RUFY1: variants seen among roughly 807,000 people sequenced by gnomAD.
RUFY1 encodes the protein RUN and FYVE domain-containing protein 1.
Under a neutral mutation model 94.6 loss-of-function variants are expected in RUFY1, and 54 were observed. That is an observed-to-expected ratio of 0.57 (90% CI 0.46 to 0.72). RUFY1 has a LOEUF of 0.72. Ranked by LOEUF, RUFY1 falls within the 30% of genes least tolerant of loss-of-function variation. The pLI is 0.00. For synonymous variants in RUFY1, 396 were observed against 347.3 expected (o/e 1.14, Z -1.56); for missense variants, 883 against 883.9 (o/e 1.00, Z 0.01).
chr5:179,584,581 A>C (rs900786403), intron 7 of RUFY1, among the ~76,000 whole-genome samples: 2 of 151,964 alleles, frequency 1.3e-5, no homozygotes, highest in Non-Finnish European at 2.9e-5. Context: ...CAGGAGTTCA[A>C]GATCAGTCTG....
chr5:179,596,540 C>G, intron 12 of RUFY1, 22 bp from the exon 13 acceptor site: 2 of 1,613,740 alleles, frequency 1.2e-6, no homozygotes. Flanking sequence ...TTCATTTGCA[C>G]TCTTGCTGGT....
intron 9 of RUFY1, among the ~76,000 whole-genome samples, chr5:179,591,388 G>T (rs532590979): frequency 7.3e-4 from 110 of 151,116 alleles, no homozygotes; most frequent in Non-Finnish European, 1.2e-3. Flanking sequence ...GTTTCACCAT[G>T]TTAGCCAGGA....
At chr5:179,580,241 G>GTGTGTGTGTGTATATATATATA (rs149099074) in intron 6 of RUFY1, among the ~76,000 whole-genome samples, 20 of 93,884 alleles carry the variant, frequency 2.1e-4, no homozygotes, top group East Asian at 1.1e-3. Flanking sequence ...GTGTGTGTGT[G>GTGTGTGTGTGTATATATATATA]TATATTTTTT....
At chr5:179,580,241 G>GTA (rs1554118908) in intron 6 of RUFY1, among the ~76,000 whole-genome samples, 7 of 93,850 alleles carry the variant, frequency 7.5e-5, no homozygotes, top group African/African-American at 7.0e-5. Flanking sequence ...GTGTGTGTGT[G>GTA]TATATTTTTT....
rs764464754 is a variant in RUFY1 at position 179,555,688 on chromosome 5, C to T, written c.311-4337C>T. The T allele has an allele frequency of 1.8e-5, 7 of 388,586 alleles. No homozygotes were observed. The East Asian group carries it at 2.8e-4, about 15-fold the overall frequency. 24.1% of individuals were successfully genotyped at this position (388,586 alleles called of 1,614,324 possible). A position where few individuals can be genotyped will look rare whatever the true frequency, so the allele number is the denominator to read the frequency against. On this transcript the variant is annotated intron_variant, in intron 1 of 17. Transcript: ENST00000319449. ...CGTCACCCAGGCTGGAGTGCAATGG[C>T]GTGATCTCGGGTCACGGCAACCTCC... is the stretch of plus-strand genomic sequence containing the variant.
chr5:179,590,105 G>A (rs1392924808), intron 9 of RUFY1, among the ~76,000 whole-genome samples: 1 of 152,134 alleles, frequency 6.6e-6, no homozygotes, highest in African/African-American at 2.4e-5. Context: ...TGTAATCCCA[G>A]CACTTTGGGA....
intron 7 of RUFY1, among the ~76,000 whole-genome samples, chr5:179,584,116 A>G (rs1472553614): frequency 6.6e-6 from 1 of 152,202 alleles, no homozygotes; most frequent in African/African-American, 2.4e-5. Context: ...AGAATTGACA[A>G]TTGTATACTC....
intron 7 of RUFY1, among the ~76,000 whole-genome samples, chr5:179,583,830 A>G (rs1300139223): frequency 6.6e-6 from 1 of 151,510 alleles, no homozygotes; most frequent in Admixed American, 6.6e-5. Flanking sequence ...GCTCACTGCA[A>G]GCTTCGCCTC....
chr5:179,556,345 A>C (rs1762113730), intron 1 of RUFY1, among the ~76,000 whole-genome samples: 1 of 152,136 alleles, frequency 6.6e-6, no homozygotes, highest in African/African-American at 2.4e-5. Context: ...TATGTAAATA[A>C]GTTAAAGTTT....
At position 179,602,004 on chromosome 5, in the gene RUFY1, C is replaced by T. The variant is rs1471826456; in HGVS notation, c.1856+18C>T. On this transcript the variant is annotated intron_variant, in intron 15 of 17. Coordinates refer to ENST00000319449, the MANE Select transcript of RUFY1 (RefSeq NM_025158.5). ...CTCAGCCAGTAAGAACCCCACTCCCCTTGTCTGCCACTGCAGGCACACCAG... is the reference window on the plus strand; with the variant it reads ...CTCAGCCAGTAAGAACCCCACTCCCTTTGTCTGCCACTGCAGGCACACCAG... The T allele has an allele frequency of 2.5e-6, 4 of 1,593,312 alleles. No individual in the cohort carries two copies. The South Asian group carries it at 3.3e-5, about 13-fold the overall frequency.
chr5:179,576,902 G>A (rs1264892862), intron 5 of RUFY1, among the ~76,000 whole-genome samples, 173 bp from the exon 6 acceptor site: 1 of 151,830 alleles, frequency 6.6e-6, no homozygotes, highest in Non-Finnish European at 1.5e-5. Context: ...TCTAGAAGGT[G>A]GTAGGGTTAG....
At chr5:179,580,403 C>T (rs987287811) in intron 6 of RUFY1, among the ~76,000 whole-genome samples, 9 of 151,600 alleles carry the variant, frequency 5.9e-5, no homozygotes, top group African/African-American at 1.2e-4. Context: ...CCACCACGCC[C>T]GGCTAATTTT....
chr5:179,550,892 C>A lies in RUFY1; in HGVS notation c.310+13C>A. 8.8e-7 allele frequency: 1 copy of A among 1,133,956 alleles called. No individual in the cohort carries two copies. Among genetic ancestry groups the A allele is most frequent in the Non-Finnish European group, 1.1e-6 (1 of 926,808 alleles). 70.2% of individuals were successfully genotyped at this position (1,133,956 alleles called of 1,614,324 possible). On this transcript the variant is annotated intron_variant, in intron 1 of 17. Transcript: ENST00000319449. ...ACGGCGCGCGCAGGTAGGCTCGGGC[C>A]GGGTCTGTCCCGCGGCGGACTCGCG...
intron 9 of RUFY1, chr5:179,591,057 C>A (rs1765045619): frequency 6.6e-6 from 1 of 152,158 alleles, no homozygotes; most frequent in African/African-American, 2.4e-5. Context: ...TGGTGTCAAA[C>A]TCCTGACCTC....
At chr5:179,580,304 GCC>G (rs1562022644) in intron 6 of RUFY1, among the ~76,000 whole-genome samples, 1 of 148,486 alleles carries the variant, frequency 6.7e-6, no homozygotes, top group Non-Finnish European at 1.5e-5. Flanking sequence ...GTGCAGTGGC[GCC>G]ATCTCGGCTC....
At chr5:179,577,420 C>T (rs1197035707) in intron 6 of RUFY1, among the ~76,000 whole-genome samples, 1 of 151,620 alleles carries the variant, frequency 6.6e-6, no homozygotes, top group East Asian at 1.9e-4. Context: ...CCGTCTCGGC[C>T]TCCCAAAGTG....
chr5:179,594,821 G>A, intron 11 of RUFY1, 45 bp from the exon 12 acceptor site: 1 of 1,210,002 alleles, frequency 8.3e-7, no homozygotes, highest in South Asian at 1.2e-5. Flanking sequence ...GCAGGTGCAA[G>A]GATGTGGGAC....
At chr5:179,552,074 A>G (rs1290789230) in intron 1 of RUFY1, among the ~76,000 whole-genome samples, 1 of 144,564 alleles carries the variant, frequency 6.9e-6, no homozygotes, top group Admixed American at 7.3e-5. Flanking sequence ...CTGAGGCAGG[A>G]GAATCGCTTG....
intron 3 of RUFY1, among the ~76,000 whole-genome samples, chr5:179,564,268 T>C (rs1581436208): frequency 6.6e-6 from 1 of 151,562 alleles, no homozygotes; most frequent in Non-Finnish European, 1.5e-5. Flanking sequence ...TACAGGTGCC[T>C]GCCACCAGGC....
Sources: gnomAD v4.1 joint callset for allele counts (sites outside exome capture counted in the v4.1 genomes callset) on GRCh38, gnomAD v4.1.1 for gene constraint, MANE v1.5 for transcripts, NCBI Gene and HGNC (gene_info 2026-07-23, HGNC 2026-07-21) for gene names.